The following EBF1 variants were observed in gnomAD, a reference collection of about 807,000 sequenced individuals.
EBF1 encodes EBF transcription factor 1, also known as transcription factor COE1.
In EBF1, 10 loss-of-function variants were observed where a neutral mutation model predicts 68.4. That is an observed-to-expected ratio of 0.15 (90% CI 0.09 to 0.25). The LOEUF (loss-of-function observed/expected upper bound fraction) is 0.25. Among genes scored for constraint, EBF1 ranks in the 10% least tolerant of loss-of-function variants. The probability of loss-of-function intolerance (pLI) is 1.00; values close to 1 mark genes in which losing one functional copy is unlikely to be tolerated. For missense variants in EBF1, 509 were observed against 794.4 expected, an observed-to-expected ratio of 0.64 and a Z score of 4.32; for synonymous variants, 298 against 299.8, an observed-to-expected ratio of 0.99 and a Z score of 0.06.
At chr5:158,775,709 G>T (rs1190251115) in intron 10 of EBF1, among the ~76,000 whole-genome samples, 2 of 148,048 alleles carry the variant, frequency 1.4e-5, no homozygotes, top group African/African-American at 5.0e-5. Context: ...AGTTTCAATT[G>T]GTCCTTTTCC....
At chr5:158,904,769 C>T (rs936235988) in intron 6 of EBF1, among the ~76,000 whole-genome samples, 3 of 152,132 alleles carry the variant, frequency 2.0e-5, no homozygotes, top group Non-Finnish European at 4.4e-5. Context: ...GGTGACTTCC[C>T]CTTTATACAA....
chr5:158,830,478 C>T (rs1787284645), intron 7 of EBF1, among the ~76,000 whole-genome samples: 1 of 152,178 alleles, frequency 6.6e-6, no homozygotes, highest in South Asian at 2.1e-4. Context: ...ACCATGTTGG[C>T]TAGGATGGTC....
intron 5 of EBF1, among the ~76,000 whole-genome samples, chr5:159,081,477 C>A (rs975604646): frequency 2.0e-5 from 3 of 152,196 alleles, no homozygotes; most frequent in African/African-American, 7.2e-5. Flanking sequence ...CGCAACACAT[C>A]CTTCATGGAT....
chr5:158,877,836 C>T (rs1798084595), intron 6 of EBF1, among the ~76,000 whole-genome samples: 1 of 151,864 alleles, frequency 6.6e-6, no homozygotes, highest in Admixed American at 6.6e-5. Flanking sequence ...GTTGGGAAGC[C>T]TCATTAGAAT....
In EBF1 at chr5:159,095,692, G is replaced by A. The variant is rs775094389; in HGVS notation, c.356-17C>T. ...TCCTTATCCCTAGGGTTGGAAATGG[G>A]GGAAGGGAGGAGAATTAAGTGAGAG... On this transcript the variant is annotated splice_polypyrimidine_tract_variant and intron_variant, in intron 3 of 15. Transcript: ENST00000313708. The A allele has an allele frequency of 1.2e-6, 2 of 1,613,774 alleles. No individual in the cohort carries two copies. Among genetic ancestry groups the A allele is most frequent in the Non-Finnish European group, 8.5e-7 (1 of 1,179,902 alleles).
At chr5:159,001,950 C>T (rs781672942) in intron 6 of EBF1, among the ~76,000 whole-genome samples, 4 of 152,058 alleles carry the variant, frequency 2.6e-5, no homozygotes, top group Admixed American at 6.6e-5. Context: ...TGTGTGCCTG[C>T]GTGCACGCAT....
intron 6 of EBF1, among the ~76,000 whole-genome samples, chr5:159,070,164 C>G (rs1428223805): frequency 6.6e-6 from 1 of 152,176 alleles, no homozygotes; most frequent in Non-Finnish European, 1.5e-5. Context: ...CTATGCAGCT[C>G]AAATATCTGG....
intron 10 of EBF1, among the ~76,000 whole-genome samples, chr5:158,732,218 A>G (rs1764239908): frequency 6.6e-6 from 1 of 152,110 alleles, no homozygotes; most frequent in African/African-American, 2.4e-5. Flanking sequence ...TAGTTCTGAC[A>G]TTTAGCTATA....
At chr5:158,843,298 C>T (rs545580887) in intron 6 of EBF1, among the ~76,000 whole-genome samples, 4 of 152,300 alleles carry the variant, frequency 2.6e-5, no homozygotes, top group Admixed American at 1.3e-4. Context: ...TGCTAGCCAC[C>T]ATGAGGGGGT....
At position 158,716,027 on chromosome 5, in the gene EBF1, G is replaced by A. The variant is rs148192592; in HGVS notation, c.1126-1845C>T. Among the ~76,000 whole-genome samples the A allele has an allele frequency of 4.8e-3, 724 of 152,258 alleles. 7 individuals are homozygous for A. The highest frequency in any genetic ancestry group is 0.016 in the African/African-American group (663 of 41,542). On this transcript the variant is annotated intron_variant, in intron 11 of 15. Transcript: ENST00000313708. ...GGCAAGTCTCCCGTTTGTCAAAAGC[G>A]TGATGAGGCACAGAAAGAAACTGCA... is the stretch of plus-strand genomic sequence containing the variant.
intron 6 of EBF1, among the ~76,000 whole-genome samples, chr5:158,999,643 T>A (rs1024187714): frequency 1.3e-5 from 2 of 152,192 alleles, no homozygotes; most frequent in Non-Finnish European, 2.9e-5. Flanking sequence ...AAATGAAAAC[T>A]AAGTTCAGCA....
chr5:158,902,099 C>CA (rs1014901578), intron 6 of EBF1, among the ~76,000 whole-genome samples: 4 of 151,952 alleles, frequency 2.6e-5, no homozygotes, highest in East Asian at 1.9e-4. Flanking sequence ...TCTCAAAAAA[C>CA]AAAAAAACAA....
rs187692211 is a variant in EBF1, at chr5:158,781,091, G to A, written c.910-3552C>T. The stretch of plus-strand genomic sequence containing the variant: ...ACAATAATCATAAGACGTAAGACTT[G>A]CAAAGTGTCTGATGGTTTACCAAAG... On this transcript the variant is annotated intron_variant, in intron 9 of 15. Coordinates refer to ENST00000313708, the MANE Select transcript of EBF1 (RefSeq NM_024007.5). Among the ~76,000 whole-genome samples the A allele has an allele frequency of 5.9e-5, 9 of 152,186 alleles. No homozygotes were observed. In the East Asian group the frequency reaches 1.7e-3, roughly 29 times the overall value.
At chr5:158,845,224 A>G (rs948265081) in intron 6 of EBF1, among the ~76,000 whole-genome samples, 14 of 152,232 alleles carry the variant, frequency 9.2e-5, no homozygotes, top group Admixed American at 8.5e-4. Flanking sequence ...ATACTGGGCA[A>G]GAGCTTGCAT....
chr5:159,098,881 G>GA (rs199650902), intron 1 of EBF1, among the ~76,000 whole-genome samples: 1 of 120,328 alleles, frequency 8.3e-6, no homozygotes, highest in African/African-American at 3.2e-5. Flanking sequence ...AAGGAGGAAA[G>GA]AAAAAAAGAA....
intron 9 of EBF1, among the ~76,000 whole-genome samples, chr5:158,796,064 T>C (rs1779561848): frequency 6.6e-6 from 1 of 152,062 alleles, no homozygotes; most frequent in Non-Finnish European, 1.5e-5. Context: ...ATTCCCAACA[T>C]ACAATAGGAC....
At chr5:158,747,570 CA>C (rs1382592781) in intron 10 of EBF1, among the ~76,000 whole-genome samples, 1 of 152,122 alleles carries the variant, frequency 6.6e-6, no homozygotes, top group African/African-American at 2.4e-5. Flanking sequence ...AAAAGGAAGA[CA>C]ACAAATGTTC....
chr5:158,748,666 A>T (rs565652912), intron 10 of EBF1, among the ~76,000 whole-genome samples: 1 of 152,318 alleles, frequency 6.6e-6, no homozygotes, highest in Admixed American at 6.5e-5. Flanking sequence ...TTAAGTGCTC[A>T]TCTTCACAAC....
intron 8 of EBF1, among the ~76,000 whole-genome samples, chr5:158,816,254 C>T (rs1783710884): frequency 6.6e-6 from 1 of 152,240 alleles, no homozygotes; most frequent in Admixed American, 6.5e-5. Flanking sequence ...TTCTTCTCAG[C>T]ATCCTGGGAA....
Sources: gnomAD v4.1 joint callset for allele counts (sites outside exome capture counted in the v4.1 genomes callset) on GRCh38, gnomAD v4.1.1 for gene constraint, MANE v1.5 for transcripts, NCBI Gene and HGNC (gene_info 2026-07-23, HGNC 2026-07-21) for gene names.